The following ABCC8 variants were observed in gnomAD, a reference collection of about 807,000 sequenced individuals.
The protein encoded by ABCC8 is ATP binding cassette subfamily C member 8.
Under a neutral mutation model 188.0 loss-of-function variants are expected in ABCC8, and 137 were observed. The observed-to-expected ratio is 0.73, with a 90% CI of 0.63 to 0.84. The LOEUF (loss-of-function observed/expected upper bound fraction) is 0.84, where lower values mean the gene tolerates loss of function less well. ABCC8 is among the 40% of genes least tolerant of loss of function. The probability of loss-of-function intolerance (pLI) is 0.00; values close to 1 mark genes in which losing one functional copy is unlikely to be tolerated. For synonymous variants in ABCC8, 797 were observed against 846.5 expected (o/e 0.94, Z 1.01); for missense variants, 1,750 against 2,072.7 (o/e 0.84, Z 3.02).
intron 16 of ABCC8, among the ~76,000 whole-genome samples, chr11:17,423,598 C>G (rs1955451021): frequency 6.6e-6 from 1 of 152,132 alleles, no homozygotes; most frequent in African/African-American, 2.4e-5. Flanking sequence ...GGCGAGAGAG[C>G]AAAGAGGATC....
intron 17 of ABCC8, 82 bp from the exon 18 acceptor site, chr11:17,415,421 C>T: frequency 2.6e-6 from 4 of 1,563,800 alleles, no homozygotes; most frequent in South Asian, 2.4e-5. Context: ...TCCCTCCAAC[C>T]CAACATGAGC....
chr11:17,436,877 T>C (rs2133573204), intron 10 of ABCC8, among the ~76,000 whole-genome samples: 1 of 152,038 alleles, frequency 6.6e-6, no homozygotes, highest in East Asian at 1.9e-4. Flanking sequence ...TCACCTGAGG[T>C]CAGGAGTTTG....
intron 37 of ABCC8, 139 bp downstream of exon 37, chr11:17,394,127 C>CT: frequency 8.5e-7 from 1 of 1,178,750 alleles, no homozygotes; most frequent in Non-Finnish European, 1.2e-6. Flanking sequence ...GTCCCCCCAG[C>CT]TCTTTTCATT....
chr11:17,450,685 C>CTT lies in ABCC8; in HGVS notation c.1177-2016_1177-2015dup, dbSNP rs71047553. Among the ~76,000 whole-genome samples the CTT allele has an allele frequency of 1.9e-3, 143 of 76,710 alleles. 5 individuals carry two copies. Among genetic ancestry groups the CTT allele is most frequent in the African/African-American group, 6.0e-3 (104 of 17,284 alleles). 50.3% of individuals were successfully genotyped at this position (76,710 alleles called of 152,430 possible). A position where few individuals can be genotyped will look rare whatever the true frequency, so the allele number is the denominator to read the frequency against. ...GTGCTGGGATTACAGGCATGAGCCA[C>CTT]TTTTTTTTTTTTTTTTTTTTTGAGA... is the stretch of plus-strand genomic sequence containing the variant. On this transcript the variant is annotated intron_variant, in intron 7 of 38. Coordinates refer to ENST00000389817, the MANE Select transcript of ABCC8 (RefSeq NM_000352.6).
rs538737549 is a variant in ABCC8 at position 17,462,438 on chromosome 11, G to C, written c.580-613C>G. 3.3e-5 allele frequency among the ~76,000 whole-genome samples: 5 copies of C among 152,326 alleles called. No individual in the cohort carries two copies. The East Asian group carries it at 9.6e-4, about 29-fold the overall frequency. Reference sequence around the variant, plus strand: ...CACTGCTGGTTGGAAGGCAGGGAAAGGGTTTTCTCACTCATTGCTGGCAGA... The same window carrying C: ...CACTGCTGGTTGGAAGGCAGGGAAACGGTTTTCTCACTCATTGCTGGCAGA... On this transcript the variant is annotated intron_variant, in intron 4 of 38. Transcript: ENST00000389817.
rs374538778 is a variant in ABCC8 at position 17,430,916 on chromosome 11, G to A, written c.1715C>T (p.Ser572Leu). Residue 572 changes from serine to leucine, a missense_variant, in exon 12 of 39, where the codon TCG becomes TTG. Transcript: ENST00000389817. ...HVSFFKEADF[S>L]PSVAFASLSL... ...GAGGGAGGCAAAGGCCACGGAGGGC[G>A]AGAAGTCGGCCTCTTTGAAGAAGCT... 15 of 1,614,102 alleles carry A rather than the reference G, an allele frequency of 9.3e-6. No individual in the cohort carries two copies. Among genetic ancestry groups the A allele is most frequent in the South Asian group, 2.2e-5 (2 of 91,078 alleles).
chr11:17,455,895 C>A (rs1439907830), intron 6 of ABCC8, among the ~76,000 whole-genome samples: 1 of 147,220 alleles, frequency 6.8e-6, no homozygotes, highest in Non-Finnish European at 1.5e-5. Flanking sequence ...GCTAAGATTG[C>A]GCCAGTGCAC....
chr11:17,402,759 G>C lies in ABCC8; in HGVS notation c.3558-6C>G, dbSNP rs886048050. 1 of 1,614,230 alleles carries C rather than the reference G, an allele frequency of 6.2e-7. No individual in the cohort carries two copies. Among genetic ancestry groups the C allele is most frequent in the Non-Finnish European group, 8.5e-7 (1 of 1,180,048 alleles). On this transcript the variant is annotated splice_polypyrimidine_tract_variant and splice_region_variant and intron_variant, in intron 28 of 38. Coordinates refer to ENST00000389817, the MANE Select transcript of ABCC8 (RefSeq NM_000352.6). Reference sequence around the variant, plus strand: ...CATCCAGCTGCTGCAGGTCCCTGTGGCGGGGAACAGAGTGGAACAGTTAAG... The same window carrying C: ...CATCCAGCTGCTGCAGGTCCCTGTGCCGGGGAACAGAGTGGAACAGTTAAG...
At chr11:17,441,805 G>C (rs996699816) in intron 10 of ABCC8, among the ~76,000 whole-genome samples, 2 of 152,170 alleles carry the variant, frequency 1.3e-5, no homozygotes, top group African/African-American at 4.8e-5. Flanking sequence ...TTTTGGGCTG[G>C]GCACAGTGGC....
chr11:17,417,011 A>C, intron 16 of ABCC8, 49 bp from the exon 17 acceptor site: 10 of 1,613,126 alleles, frequency 6.2e-6, no homozygotes, highest in Non-Finnish European at 8.5e-6. Flanking sequence ...TTCCCACCCC[A>C]TTGCCTTTCC....
chr11:17,395,337 G>A (rs1027223698), intron 35 of ABCC8, 62 bp from the exon 36 acceptor site: 25 of 1,550,800 alleles, frequency 1.6e-5, no homozygotes, highest in Non-Finnish European at 2.1e-5. Context: ...ATCCCCAGGC[G>A]GCAAAGAGGG....
chr11:17,426,340 A>G (rs1955581758), intron 16 of ABCC8, among the ~76,000 whole-genome samples: 1 of 152,192 alleles, frequency 6.6e-6, no homozygotes, highest in Non-Finnish European at 1.5e-5. Flanking sequence ...CATCCTCTCC[A>G]GCATTTGTTG....
chr11:17,437,621 A>G (rs79696508), intron 10 of ABCC8, among the ~76,000 whole-genome samples: 4 of 152,318 alleles, frequency 2.6e-5, no homozygotes, highest in Admixed American at 1.3e-4. Context: ...AAATCAGGTT[A>G]ATGGTGTCAG....
intron 13 of ABCC8, 65 bp from the exon 14 acceptor site, chr11:17,428,470 TC>T: frequency 6.2e-7 from 1 of 1,602,076 alleles, no homozygotes; most frequent in Non-Finnish European, 8.5e-7. Context: ...GAGCCCCTCT[TC>T]CTGGGAAAAA....
Position 17,397,746 on chromosome 11 carries a change from TG to T in ABCC8, c.3804del (p.Asn1269ThrfsTer20). 1.2e-6 allele frequency: 2 copies of T among 1,613,752 alleles called. No individual in the cohort carries two copies. Among genetic ancestry groups the T allele is most frequent in the Non-Finnish European group, 8.5e-7 (1 of 1,179,942 alleles). ...GCAGAGAGCTCCCTGTGCAGGGAGT[TG>T]GAGATGGAGGTCACCGCTGCGATGA... ...VVLIAAVTSI[S>X]NSLHRELSAG... On this transcript the variant is annotated frameshift_variant, in exon 31 of 39. Coordinates refer to ENST00000389817, the MANE Select transcript of ABCC8 (RefSeq NM_000352.6). LOFTEE classifies it high-confidence loss of function.
intron 14 of ABCC8, 99 bp downstream of exon 14, chr11:17,428,190 T>C: frequency 6.3e-7 from 1 of 1,579,320 alleles, no homozygotes. Context: ...CAGGGTGACC[T>C]CTGCAGAGGA....
intron 6 of ABCC8, among the ~76,000 whole-genome samples, chr11:17,457,327 A>C (rs1219276371): frequency 6.6e-6 from 1 of 152,176 alleles, no homozygotes; most frequent in African/African-American, 2.4e-5. Context: ...CAAACAGAAC[A>C]CACATATAGA....
intron 16 of ABCC8, among the ~76,000 whole-genome samples, chr11:17,418,254 C>T (rs370692232): frequency 5.7e-4 from 87 of 152,270 alleles, no homozygotes; most frequent in African/African-American, 1.9e-3. Context: ...CATTACTCCC[C>T]TGTGATTTCC....
At chr11:17,464,361 C>T (rs559545382) in intron 3 of ABCC8, among the ~76,000 whole-genome samples, 10 of 152,352 alleles carry the variant, frequency 6.6e-5, no homozygotes, top group African/African-American at 2.4e-4. Context: ...GAGCCAGCCA[C>T]AGTTCTGTGA....
Sources: allele counts gnomAD v4.1 joint callset (sites outside exome capture counted in the v4.1 genomes callset), GRCh38; gene constraint gnomAD v4.1.1; transcripts MANE v1.5; gene names NCBI Gene and HGNC (gene_info 2026-07-23, HGNC 2026-07-21).